The following EXOC4 variants were observed in gnomAD, a reference collection of about 807,000 sequenced individuals.
The protein encoded by EXOC4 is exocyst complex component 4.
In EXOC4, 71 loss-of-function variants were observed where a neutral mutation model predicts 107.2. The ratio of observed to expected loss-of-function variants is 0.66; its 90% CI spans 0.55 to 0.81. The LOEUF is 0.81. Ranked by LOEUF, EXOC4 falls within the 30% of genes least tolerant of loss-of-function variation. The pLI, the probability that EXOC4 is intolerant of heterozygous loss-of-function variation, is 0.00. For missense variants in EXOC4, 1,108 were observed against 1,189.6 expected (o/e 0.93, Z 1.01); for synonymous variants, 456 against 441.2 (o/e 1.03, Z -0.42).
intron 11 of EXOC4, among the ~76,000 whole-genome samples, chr7:133,819,198 C>G (rs1271130969): frequency 2.0e-5 from 3 of 152,040 alleles, no homozygotes; most frequent in African/African-American, 7.3e-5. Flanking sequence ...ATCCCTTGTT[C>G]CTGCTTTCAA....
intron 10 of EXOC4, among the ~76,000 whole-genome samples, chr7:133,745,235 G>A (rs1258114377): frequency 6.6e-6 from 1 of 151,986 alleles, no homozygotes; most frequent in Non-Finnish European, 1.5e-5. Flanking sequence ...TACCAAATAA[G>A]AATGATGGGA....
At chr7:133,369,909 A>G (rs1333796685) in intron 6 of EXOC4, among the ~76,000 whole-genome samples, 3 of 143,418 alleles carry the variant, frequency 2.1e-5, no homozygotes, top group Non-Finnish European at 4.5e-5. Flanking sequence ...GGTTCAAGCG[A>G]TTCTTCTGCC....
intron 7 of EXOC4, among the ~76,000 whole-genome samples, chr7:133,420,741 C>T (rs1326372153): frequency 6.6e-6 from 1 of 151,756 alleles, no homozygotes; most frequent in South Asian, 2.1e-4. Context: ...ATGGTAGGTG[C>T]CAAAGAAGGT....
At chr7:134,024,487 T>C (rs549868033) in intron 17 of EXOC4, among the ~76,000 whole-genome samples, 24 of 152,232 alleles carry the variant, frequency 1.6e-4, no homozygotes, top group African/African-American at 5.8e-4. Flanking sequence ...TTTAATTAAT[T>C]TAAAATATTC....
chr7:133,519,081 T>C (rs774098414), intron 9 of EXOC4, among the ~76,000 whole-genome samples: 2 of 152,070 alleles, frequency 1.3e-5, no homozygotes, highest in Non-Finnish European at 2.9e-5. Context: ...AGAGAAAAGG[T>C]AGCTAAGTAA....
At chr7:133,537,571 G>A (rs927463197) in intron 9 of EXOC4, among the ~76,000 whole-genome samples, 8 of 152,028 alleles carry the variant, frequency 5.3e-5, no homozygotes, top group African/African-American at 7.2e-5. Flanking sequence ...TTTTCTTGCC[G>A]AGAGAAAAGT....
chr7:133,992,338 A>G (rs1419266977), intron 14 of EXOC4, among the ~76,000 whole-genome samples: 1 of 152,048 alleles, frequency 6.6e-6, no homozygotes, highest in Non-Finnish European at 1.5e-5. Context: ...GCTGGAATGC[A>G]GTGATGCAAT....
chr7:133,980,521 T>C (rs1274762637), intron 14 of EXOC4, among the ~76,000 whole-genome samples: 1 of 152,240 alleles, frequency 6.6e-6, no homozygotes, highest in East Asian at 1.9e-4. Flanking sequence ...GGTTGAATCA[T>C]AATGTAACTA....
chr7:133,468,245 G>A (rs17597230), intron 7 of EXOC4, among the ~76,000 whole-genome samples: 2,408 of 152,212 alleles, frequency 0.016, 29 homozygotes, highest in Non-Finnish European at 0.027. Flanking sequence ...AGACCATAGC[G>A]TTAGTGGTTT....
At chr7:133,882,530 A>G (rs1798988031) in intron 11 of EXOC4, among the ~76,000 whole-genome samples, 1 of 152,238 alleles carries the variant, frequency 6.6e-6, no homozygotes, top group South Asian at 2.1e-4. Context: ...ACAAGCAATT[A>G]TAAGTATGCT....
chr7:133,534,106 G>GT lies in EXOC4; in HGVS notation c.1417+53969dup, dbSNP rs553390478. Among the ~76,000 whole-genome samples the GT allele has an allele frequency of 1.3e-3, 193 of 152,252 alleles. 7 individuals carry two copies. In the South Asian group the frequency reaches 0.038, roughly 30 times the overall value. On this transcript the variant is annotated intron_variant, in intron 9 of 17. Transcript: ENST00000253861. ...ACTTCGTTTGTTTCCAGTGTTCCCTGTATTTTCATAATCAAACCGTAGCCT... is the reference window on the plus strand; with the variant it reads ...ACTTCGTTTGTTTCCAGTGTTCCCTGTTATTTTCATAATCAAACCGTAGCCT...
intron 10 of EXOC4, among the ~76,000 whole-genome samples, chr7:133,715,372 C>G (rs527965296): frequency 6.6e-6 from 1 of 152,216 alleles, no homozygotes; most frequent in African/African-American, 2.4e-5. Context: ...AACACTTTAG[C>G]TAGAAAAGGT....
intron 9 of EXOC4, among the ~76,000 whole-genome samples, chr7:133,591,959 C>G (rs1801559609): frequency 6.6e-6 from 1 of 152,152 alleles, no homozygotes; most frequent in Non-Finnish European, 1.5e-5. Context: ...TTTTTCCACT[C>G]AGTACTCTAA....
intron 9 of EXOC4, among the ~76,000 whole-genome samples, chr7:133,603,753 T>G (rs969374646): frequency 6.6e-6 from 1 of 152,146 alleles, no homozygotes; most frequent in Non-Finnish European, 1.5e-5. Flanking sequence ...GAGTGATGAG[T>G]GAATGTGAAG....
At chr7:133,869,046 T>A (rs1798699420) in intron 11 of EXOC4, among the ~76,000 whole-genome samples, 1 of 140,422 alleles carries the variant, frequency 7.1e-6, no homozygotes. Context: ...ATGCATGCAC[T>A]GCACGTCCAG....
rs145048282 is a variant in EXOC4, at chr7:133,455,995, C to T, written c.1183-19333C>T. Among the ~76,000 whole-genome samples, 11 of 152,322 alleles carry T rather than the reference C, an allele frequency of 7.2e-5. No individual in the cohort carries two copies. In the East Asian group the frequency reaches 2.1e-3, roughly 29 times the overall value. ...AATAAATTATGTGAGCTGTTTGTCTCCTTCCACCTTGGAATAAGCCAGAAT... is the reference window on the plus strand; with the variant it reads ...AATAAATTATGTGAGCTGTTTGTCTTCTTCCACCTTGGAATAAGCCAGAAT... On this transcript the variant is annotated intron_variant, in intron 7 of 17. Coordinates refer to ENST00000253861, the MANE Select transcript of EXOC4 (RefSeq NM_021807.4).
At chr7:133,861,541 T>C (rs1405684132) in intron 11 of EXOC4, among the ~76,000 whole-genome samples, 1 of 151,002 alleles carries the variant, frequency 6.6e-6, no homozygotes, top group Non-Finnish European at 1.5e-5. Context: ...TTTTGTTTTG[T>C]TTTGTTTTTT....
At chr7:133,804,470 A>G (rs1436085367) in intron 10 of EXOC4, among the ~76,000 whole-genome samples, 1 of 152,156 alleles carries the variant, frequency 6.6e-6, no homozygotes. Flanking sequence ...GTTCAGCAAT[A>G]AGGGTGGTTG....
intron 10 of EXOC4, among the ~76,000 whole-genome samples, chr7:133,665,040 A>G (rs1326872576): frequency 6.6e-6 from 1 of 152,132 alleles, no homozygotes; most frequent in Non-Finnish European, 1.5e-5. Context: ...AATGCTCTTT[A>G]TTTCCAACCT....
Sources: gnomAD v4.1 joint callset for allele counts (sites outside exome capture counted in the v4.1 genomes callset) on GRCh38, gnomAD v4.1.1 for gene constraint, MANE v1.5 for transcripts, NCBI Gene and HGNC (gene_info 2026-07-23, HGNC 2026-07-21) for gene names.